The following LRBA variants were observed in gnomAD, a reference collection of about 807,000 sequenced individuals.
The protein encoded by LRBA is lipopolysaccharide-responsive and beige-like anchor protein.
A neutral mutation model predicts 330.0 loss-of-function variants in LRBA; 176 were observed. That is an observed-to-expected ratio of 0.53 (90% CI 0.47 to 0.60). The LOEUF is 0.60. Among genes scored for constraint, LRBA ranks in the 20% least tolerant of loss-of-function variants. The probability of loss-of-function intolerance (pLI) is 0.00; values close to 1 mark genes in which losing one functional copy is unlikely to be tolerated. For missense variants in LRBA, 3,259 were observed against 3,444.8 expected (o/e 0.95, Z 1.35); for synonymous variants, 1,230 against 1,193.0 (o/e 1.03, Z -0.64).
intron 40 of LRBA, among the ~76,000 whole-genome samples, chr4:150,495,943 TAGTAAATTA>T (rs1434063166): frequency 6.6e-6 from 1 of 152,206 alleles, no homozygotes; most frequent in Non-Finnish European, 1.5e-5. Flanking sequence ...GTATTATTAT[TAGTAAATTA>T]AGCTTTCAAT....
intron 2 of LRBA, among the ~76,000 whole-genome samples, chr4:150,933,740 G>C (rs1438795347): frequency 6.6e-6 from 1 of 152,074 alleles, no homozygotes; most frequent in Non-Finnish European, 1.5e-5. Flanking sequence ...AGCCAGGTAG[G>C]GTGGCTTATG....
intron 13 of LRBA, among the ~76,000 whole-genome samples, chr4:150,903,657 C>T (rs1335465892): frequency 6.6e-6 from 1 of 152,078 alleles, no homozygotes; most frequent in East Asian, 1.9e-4. Context: ...GGAGGATCAC[C>T]TGAGCTGGGG....
At chr4:150,662,692 G>A (rs1007823952) in intron 37 of LRBA, among the ~76,000 whole-genome samples, 1 of 152,212 alleles carries the variant, frequency 6.6e-6, no homozygotes, top group Non-Finnish European at 1.5e-5. Context: ...GGATTTGTGA[G>A]GCCAGTACCT....
chr4:150,464,614 A>AT (rs1755204781), intron 44 of LRBA, among the ~76,000 whole-genome samples: 1 of 152,006 alleles, frequency 6.6e-6, no homozygotes, highest in Admixed American at 6.6e-5. Context: ...CAATTGGGAA[A>AT]TTCTGCTGAT....
At chr4:150,987,039 C>T (rs948934488) in intron 2 of LRBA, among the ~76,000 whole-genome samples, 1 of 152,200 alleles carries the variant, frequency 6.6e-6, no homozygotes, top group Non-Finnish European at 1.5e-5. Flanking sequence ...TTTGACATGT[C>T]TCAGGCAAAA....
intron 44 of LRBA, among the ~76,000 whole-genome samples, chr4:150,457,480 G>C (rs1436019946): frequency 6.6e-6 from 1 of 151,658 alleles, no homozygotes; most frequent in Non-Finnish European, 1.5e-5. Flanking sequence ...TTGAACATAA[G>C]AATAAAATAT....
intron 54 of LRBA, among the ~76,000 whole-genome samples, chr4:150,284,436 C>T (rs899592482): frequency 3.9e-5 from 6 of 152,170 alleles, no homozygotes; most frequent in Non-Finnish European, 8.8e-5. Context: ...AAATAATTAT[C>T]AATGTATCAA....
intron 37 of LRBA, among the ~76,000 whole-genome samples, chr4:150,657,631 T>C (rs1318798704): frequency 6.6e-6 from 1 of 152,002 alleles, no homozygotes; most frequent in Non-Finnish European, 1.5e-5. Flanking sequence ...TCCCCAAAAC[T>C]AAGATTATTA....
chr4:150,289,865 A>T (rs1242030920), intron 53 of LRBA, among the ~76,000 whole-genome samples: 1 of 152,250 alleles, frequency 6.6e-6, no homozygotes, highest in Non-Finnish European at 1.5e-5. Flanking sequence ...CTAACAGGTC[A>T]AAACTGTTTA....
At chr4:150,954,817 C>CAAAAAAAAAAAAAAAAAAAAAAAAAAAA (rs34282784) in intron 2 of LRBA, among the ~76,000 whole-genome samples, 1 of 45,530 alleles carries the variant, frequency 2.2e-5, no homozygotes, top group Non-Finnish European at 3.6e-5. Context: ...ACTCAGAAAT[C>CAAAAAAAAAAAAAAAAAAAAAAAAAAAA]AAAAAAAAAA....
chr4:150,704,230 T>C (rs1419720264), intron 36 of LRBA, among the ~76,000 whole-genome samples: 2 of 152,062 alleles, frequency 1.3e-5, no homozygotes, highest in Admixed American at 6.6e-5. Context: ...ATTATGTGTG[T>C]ATTTTATATT....
chr4:150,423,121 A>G, intron 46 of LRBA: 1 of 877,274 alleles, frequency 1.1e-6, no homozygotes, highest in Non-Finnish European at 2.0e-6. Flanking sequence ...ATAAAGTGCC[A>G]GGAAGCTACC....
chr4:150,605,217 C>T (rs1405609087), intron 37 of LRBA, among the ~76,000 whole-genome samples: 1 of 152,110 alleles, frequency 6.6e-6, no homozygotes, highest in Admixed American at 6.6e-5. Flanking sequence ...TGAATTGGCA[C>T]CTATTATCAA....
intron 47 of LRBA, among the ~76,000 whole-genome samples, chr4:150,378,180 A>G (rs1412770025): frequency 6.6e-6 from 1 of 152,182 alleles, no homozygotes; most frequent in South Asian, 2.1e-4. Context: ...TGTATAAGTG[A>G]TTGACAGATA....
At chr4:150,963,566 C>G (rs991836119) in intron 2 of LRBA, among the ~76,000 whole-genome samples, 3 of 149,644 alleles carry the variant, frequency 2.0e-5, no homozygotes, top group African/African-American at 7.7e-5. Flanking sequence ...CTGCCTTGGC[C>G]TCCCAAAGTG....
Position 150,673,525 on chromosome 4 carries a change from T to TA in LRBA, c.5921+10025dup, listed in dbSNP as rs1220343748. Among the ~76,000 whole-genome samples, 13 of 152,258 alleles carry TA rather than the reference T, an allele frequency of 8.5e-5. No individual in the cohort carries two copies. The East Asian group carries it at 2.3e-3, about 27-fold the overall frequency. On this transcript the variant is annotated intron_variant, in intron 37 of 56. Coordinates refer to ENST00000651943, the MANE Select transcript of LRBA (RefSeq NM_001364905.1). Reference sequence around the variant, plus strand: ...CTAAAGGAAAAGTTGCAAGAACACTTAAAAAAATAAATCCTACATCTAAAT... The same window carrying TA: ...CTAAAGGAAAAGTTGCAAGAACACTTAAAAAAAATAAATCCTACATCTAAAT...
intron 34 of LRBA, among the ~76,000 whole-genome samples, chr4:150,768,982 G>A (rs891840387): frequency 1.5e-5 from 2 of 134,162 alleles, no homozygotes; most frequent in Admixed American, 8.1e-5. Context: ...CTGTCACCCA[G>A]GCTGGAGAGC....
Position 150,637,431 on chromosome 4 carries a change from C to G in LRBA, c.5922-38300G>C, listed in dbSNP as rs150029033. On this transcript the variant is annotated intron_variant, in intron 37 of 56. Coordinates refer to ENST00000651943, the MANE Select transcript of LRBA (RefSeq NM_001364905.1). ...TGTGACAGACAGCTCCAACATAGCC[C>G]GTAAATGCTCCCTGCCTCCTAGTGT... Among the ~76,000 whole-genome samples the G allele has an allele frequency of 4.1e-3, 630 of 152,240 alleles. 5 individuals carry two copies. The highest frequency in any genetic ancestry group is 0.015 in the African/African-American group (609 of 41,536).
chr4:150,486,538 A>G (rs958670531), intron 42 of LRBA, among the ~76,000 whole-genome samples: 3 of 151,936 alleles, frequency 2.0e-5, no homozygotes, highest in Non-Finnish European at 4.4e-5. Flanking sequence ...ATTTTGATAT[A>G]TTCATATTTC....
Sources: gnomAD v4.1 joint callset for allele counts (sites outside exome capture counted in the v4.1 genomes callset) on GRCh38, gnomAD v4.1.1 for gene constraint, MANE v1.5 for transcripts, NCBI Gene and HGNC (gene_info 2026-07-23, HGNC 2026-07-21) for gene names.